PITRM1: variants seen among roughly 807,000 people sequenced by gnomAD.
The protein encoded by PITRM1 is pitrilysin metallopeptidase 1, also known as presequence protease, mitochondrial.
A neutral mutation model predicts 129.9 loss-of-function variants in PITRM1; 100 were observed. The observed-to-expected ratio is 0.77, with a 90% CI of 0.65 to 0.91. PITRM1 has a LOEUF of 0.91. Among genes scored for constraint, PITRM1 ranks in the 40% least tolerant of loss-of-function variants. PITRM1 has a pLI of 0.00. For synonymous variants in PITRM1, 591 were observed against 508.8 expected, an observed-to-expected ratio of 1.16 and a Z score of -2.17; for missense variants, 1,471 against 1,318.3, an observed-to-expected ratio of 1.12 and a Z score of -1.79.
chr10:3,157,032 G>GTCCC lies in PITRM1; in HGVS notation c.1376_1379dup (p.Asp460GlufsTer15). On this transcript the variant is annotated frameshift_variant, in exon 13 of 27. Transcript: ENST00000224949. LOFTEE classifies it high-confidence loss of function. ...TTCCCAACTTCAAGAGCTCCACAGG[G>GTCCC]TCCCCATCATGGTTCCAGCAAGAAG... 1 of 1,609,998 alleles carries GTCCC rather than the reference G, an allele frequency of 6.2e-7. No individual in the cohort carries two copies. Among genetic ancestry groups the GTCCC allele is most frequent in the Non-Finnish European group, 8.5e-7 (1 of 1,178,852 alleles).
chr10:3,150,312 C>G (rs1245476099), intron 15 of PITRM1, among the ~76,000 whole-genome samples: 1 of 152,194 alleles, frequency 6.6e-6, no homozygotes, highest in African/African-American at 2.4e-5. Context: ...TATTCTCACT[C>G]TTAGCAAACA....
chr10:3,154,077 T>C (rs1031790190), intron 14 of PITRM1, among the ~76,000 whole-genome samples: 2 of 152,190 alleles, frequency 1.3e-5, no homozygotes, highest in African/African-American at 2.4e-5. Context: ...CAGCTTCTCA[T>C]CTGCTCTCTG....
upstream of PITRM1, chr10:3,172,805 C>A (rs772952425): frequency 1.4e-6 from 2 of 1,395,254 alleles, no homozygotes; most frequent in Non-Finnish European, 1.9e-6. Context: ...GGCGAGGAAC[C>A]CCCTCTTAAC....
In PITRM1 at chr10:3,158,156, A is replaced by G; in HGVS notation, c.1137-3T>C. On this transcript the variant is annotated splice_polypyrimidine_tract_variant and splice_region_variant and intron_variant, in intron 10 of 26. Coordinates refer to ENST00000224949, the MANE Select transcript of PITRM1 (RefSeq NM_014889.4). ...CCTCCCTCGTGTAGCCATTATATCT[A>G]GAAGACAAAACCAGAAATGATGCAC... 1.3e-6 allele frequency: 2 copies of G among 1,538,352 alleles called. No individual in the cohort carries two copies. Among genetic ancestry groups the G allele is most frequent in the Non-Finnish European group, 1.8e-6 (2 of 1,116,364 alleles).
intron 15 of PITRM1, among the ~76,000 whole-genome samples, chr10:3,150,083 C>T (rs1288560026): frequency 1.3e-5 from 2 of 151,986 alleles, no homozygotes; most frequent in South Asian, 2.1e-4. Context: ...GGGCCCACAT[C>T]GCACCCGTCC....
intron 14 of PITRM1, among the ~76,000 whole-genome samples, chr10:3,154,993 A>C (rs1841856789): frequency 6.6e-6 from 1 of 152,190 alleles, no homozygotes; most frequent in Non-Finnish European, 1.5e-5. Flanking sequence ...ATCCTGAATG[A>C]GGCTGCAGCT....
In PITRM1 at chr10:3,144,338, T is replaced by G; in HGVS notation, c.2486A>C (p.Asp829Ala). ...EKPVPSSSGG[D>A]AHVPHGSQVI... ...CTGGGAGCCATGGGGAACGTGGGCA[T>G]CTCCACCAGAGCTGCTGGGCACAGG... The change falls in exon 22 of 27, where the codon GAT becomes GCT. Residue 829 changes from aspartate (D) to alanine (A), a missense_variant. Physicochemically the swap from Asp to Ala is moderately radical, Grantham distance 126. Transcript: ENST00000224949. 6.4e-7 allele frequency: 1 copy of G among 1,561,588 alleles called. No homozygotes were observed. The highest frequency in any genetic ancestry group is 8.7e-7 in the Non-Finnish European group (1 of 1,151,506).
In PITRM1 at chr10:3,157,035, C is replaced by T; in HGVS notation, c.1377G>A (p.Gly459=). 6.2e-7 allele frequency: 1 copy of T among 1,609,808 alleles called. No individual in the cohort carries two copies. The highest frequency in any genetic ancestry group is 1.1e-5 in the South Asian group (1 of 90,274). Residue 459 remains glycine, a synonymous_variant, in exon 13 of 27, where the codon GGG becomes GGA. Transcript: ENST00000224949. The part of the protein sequence containing the change: ...SYIASCWNHD[G]DPVELLKLGN... ...CCAACTTCAAGAGCTCCACAGGGTCCCCATCATGGTTCCAGCAAGAAGCTA... is the reference window on the plus strand; with the variant it reads ...CCAACTTCAAGAGCTCCACAGGGTCTCCATCATGGTTCCAGCAAGAAGCTA...
chr10:3,139,113 C>CT (rs1433454832), intron 24 of PITRM1, 64 bp from the exon 25 acceptor site: 3 of 1,435,682 alleles, frequency 2.1e-6, no homozygotes, highest in Non-Finnish European at 2.9e-6. Flanking sequence ...TGACAAACCT[C>CT]TGTCGACTTA....
Position 3,144,275 on chromosome 10 carries a change from TG to T in PITRM1, c.2532+16del. 1 of 1,510,374 alleles carries T rather than the reference TG, an allele frequency of 6.6e-7. No individual in the cohort carries two copies. 93.6% of individuals were successfully genotyped at this position (1,510,374 alleles called of 1,614,324 possible). ...AGCACCCACCCGCTGGCAACCCGGA[TG>T]GGCTGTGGTTCTTACCATGACCAGC... On this transcript the variant is annotated intron_variant, in intron 22 of 26. Coordinates refer to ENST00000224949, the MANE Select transcript of PITRM1 (RefSeq NM_014889.4).
chr10:3,161,679 G>A (rs1406948649), intron 7 of PITRM1, among the ~76,000 whole-genome samples: 1 of 151,966 alleles, frequency 6.6e-6, no homozygotes, highest in Non-Finnish European at 1.5e-5. Context: ...TTAGGGAGGT[G>A]GGGGTGGGGG....
chr10:3,156,812 AATTAAGTCACCC>A, intron 13 of PITRM1, 106 bp downstream of exon 13: 1 of 631,040 alleles, frequency 1.6e-6, no homozygotes, highest in East Asian at 3.2e-5. Context: ...TTTAATTAGA[AATTAAGTCACCC>A]ATTAACAGAA....
At chr10:3,152,248 G>A (rs772038109) in intron 14 of PITRM1, among the ~76,000 whole-genome samples, 4 of 152,184 alleles carry the variant, frequency 2.6e-5, no homozygotes, top group African/African-American at 7.2e-5. Flanking sequence ...AGACCCAGGC[G>A]TGCTCCCCGC....
chr10:3,167,016 C>A lies in PITRM1; in HGVS notation c.186G>T (p.Leu62=). The change falls in exon 3 of 27, where the codon CTG becomes CTT. Residue 62 remains leucine, a synonymous_variant. Transcript: ENST00000224949. The part of the protein sequence containing the change: ...NQVTSVPELF[L]TAVKLTHDDT... ...CATCATGGGTGAGCTTCACTGCAGTCAGGAACAGCTCGGGAACAGATGTCA... is the reference window on the plus strand; with the variant it reads ...CATCATGGGTGAGCTTCACTGCAGTAAGGAACAGCTCGGGAACAGATGTCA... 1 of 1,609,232 alleles carries A rather than the reference C, an allele frequency of 6.2e-7. No homozygotes were observed. Among genetic ancestry groups the A allele is most frequent in the Non-Finnish European group, 8.5e-7 (1 of 1,177,520 alleles).
chr10:3,167,290 AGCG>A (rs1207937029), intron 2 of PITRM1, among the ~76,000 whole-genome samples: 14 of 149,528 alleles, frequency 9.4e-5, no homozygotes, highest in Non-Finnish European at 1.3e-4. Context: ...AGAGAGAGCG[AGCG>A]AGCGAGCGAG....
chr10:3,142,086 G>C (rs1261670418), intron 23 of PITRM1, among the ~76,000 whole-genome samples: 1 of 152,220 alleles, frequency 6.6e-6, no homozygotes, highest in Non-Finnish European at 1.5e-5. Flanking sequence ...CCACTGCCCA[G>C]GGGGAACCTC....
chr10:3,169,553 G>A (rs1156816278), intron 2 of PITRM1, among the ~76,000 whole-genome samples: 3 of 152,234 alleles, frequency 2.0e-5, no homozygotes, highest in Admixed American at 6.5e-5. Flanking sequence ...TACATGAAGC[G>A]TGTCATTTTC....
intron 22 of PITRM1, chr10:3,143,809 T>G: frequency 1.6e-6 from 1 of 616,844 alleles, no homozygotes; most frequent in East Asian, 3.6e-5. Context: ...TCTACGCCGT[T>G]TATATCACAG....
In PITRM1 at chr10:3,171,146, TTAA is replaced by T. The variant is rs71383152; in HGVS notation, c.57-943_57-941del. Among the ~76,000 whole-genome samples, 336 of 36,234 alleles carry T rather than the reference TTAA, an allele frequency of 9.3e-3. 23 individuals carry two copies. Among genetic ancestry groups the T allele is most frequent in the Middle Eastern group, 0.017 (1 of 58 alleles). The allele number at this position is 36,234 out of a possible 152,430, so 23.8% of individuals were successfully genotyped here. On this transcript the variant is annotated intron_variant, in intron 1 of 26. Transcript: ENST00000224949. The stretch of plus-strand genomic sequence containing the variant: ...GATAAAGTGCGGACTAATCGTTCAA[TTAA>T]AAAAAAAAAAAAAAAAAAAAAAAAA...
Sources: gnomAD v4.1 joint callset for allele counts (sites outside exome capture counted in the v4.1 genomes callset) on GRCh38, gnomAD v4.1.1 for gene constraint, MANE v1.5 for transcripts, NCBI Gene and HGNC (gene_info 2026-07-23, HGNC 2026-07-21) for gene names.